The following CCDC171 variants were observed in gnomAD, a reference collection of about 807,000 sequenced individuals.
CCDC171 encodes the protein coiled-coil domain-containing protein 171.
CCDC171 carries 177 observed loss-of-function variants against 168.2 expected under a neutral mutation model. The observed-to-expected ratio is 1.05, with a 90% confidence interval of 0.93 to 1.19. The LOEUF is 1.19. Among genes scored for constraint, CCDC171 ranks in the 50% most tolerant of loss-of-function variants. CCDC171 has a pLI of 0.00. For synonymous variants in CCDC171, 687 were observed against 540.8 expected, an observed-to-expected ratio of 1.27 and a Z score of -3.75; for missense variants, 1,991 against 1,539.0, an observed-to-expected ratio of 1.29 and a Z score of -4.91.
chr9:15,628,777 C>T (rs1237388217), intron 7 of CCDC171, among the ~76,000 whole-genome samples: 1 of 152,132 alleles, frequency 6.6e-6, no homozygotes, highest in Non-Finnish European at 1.5e-5. Flanking sequence ...TGGGAGGCAC[C>T]CCCCAGTAGA....
intron 25 of CCDC171, among the ~76,000 whole-genome samples, chr9:15,971,005 T>G (rs1303678456): frequency 6.6e-6 from 1 of 151,968 alleles, no homozygotes; most frequent in East Asian, 1.9e-4. Context: ...GAACCTAAAA[T>G]AATAAAGTTG....
At chr9:15,888,707 C>T (rs565062006) in intron 24 of CCDC171, among the ~76,000 whole-genome samples, 73 of 152,086 alleles carry the variant, frequency 4.8e-4, no homozygotes, top group African/African-American at 1.6e-3. Flanking sequence ...GCAACAACTC[C>T]GAATGATATA....
Position 15,881,291 on chromosome 9 carries a change from G to C in CCDC171, c.3600+6628G>C, listed in dbSNP as rs547850340. 2.0e-5 allele frequency among the ~76,000 whole-genome samples: 3 copies of C among 152,164 alleles called. No homozygotes were observed. The East Asian group carries it at 5.8e-4, about 29-fold the overall frequency. On this transcript the variant is annotated intron_variant, in intron 24 of 25. Coordinates refer to ENST00000380701, the MANE Select transcript of CCDC171 (RefSeq NM_173550.4). ...GTATTACAAGAAATGAAATACTAAG[G>C]TGCGTAGAAGAACTTATTATTTTTC...
At chr9:15,627,274 G>T (rs1008011624) in intron 7 of CCDC171, among the ~76,000 whole-genome samples, 1 of 151,754 alleles carries the variant, frequency 6.6e-6, no homozygotes, top group Non-Finnish European at 1.5e-5. Flanking sequence ...CCAACTCCTG[G>T]ATTCATTGAT....
chr9:15,932,042 G>A (rs1282503435), intron 25 of CCDC171, among the ~76,000 whole-genome samples: 1 of 151,832 alleles, frequency 6.6e-6, no homozygotes, highest in African/African-American at 2.4e-5. Flanking sequence ...TATGATGCCT[G>A]TGGCTTTGTT....
intron 3 of CCDC171, among the ~76,000 whole-genome samples, chr9:15,983,209 G>A (rs1435845645): frequency 6.6e-6 from 1 of 151,526 alleles, no homozygotes; most frequent in East Asian, 1.9e-4. Context: ...ATTTTTTAAG[G>A]TTATACCCTC....
At chr9:15,829,702 T>C (rs1457194309) in intron 21 of CCDC171, among the ~76,000 whole-genome samples, 1 of 152,148 alleles carries the variant, frequency 6.6e-6, no homozygotes, top group African/African-American at 2.4e-5. Flanking sequence ...GGAGGATTGC[T>C]TGAGCCCAGG....
chr9:15,838,267 T>G (rs1278271783), intron 21 of CCDC171, among the ~76,000 whole-genome samples: 1 of 152,234 alleles, frequency 6.6e-6, no homozygotes. Flanking sequence ...GAAAATCATT[T>G]TTAACATAGT....
chr9:15,765,547 G>T (rs1413312795), intron 18 of CCDC171, among the ~76,000 whole-genome samples: 1 of 152,140 alleles, frequency 6.6e-6, no homozygotes, highest in Non-Finnish European at 1.5e-5. Context: ...GGTAGATTTG[G>T]TAGTAGATGT....
intron 21 of CCDC171, among the ~76,000 whole-genome samples, chr9:15,807,663 T>G (rs1210107947): frequency 6.6e-6 from 1 of 152,062 alleles, no homozygotes; most frequent in Non-Finnish European, 1.5e-5. Flanking sequence ...ATGGATTTTT[T>G]TTACTCTGCA....
At chr9:15,713,455 CT>C (rs1411358122) in intron 11 of CCDC171, among the ~76,000 whole-genome samples, 1 of 152,092 alleles carries the variant, frequency 6.6e-6, no homozygotes, top group East Asian at 1.9e-4. Context: ...TTATTTGTGC[CT>C]TCGGGACTTT....
At chr9:15,626,776 T>C (rs1236657842) in intron 7 of CCDC171, among the ~76,000 whole-genome samples, 4 of 152,166 alleles carry the variant, frequency 2.6e-5, no homozygotes, top group Non-Finnish European at 5.9e-5. Context: ...TAAAATTCTC[T>C]TTTTTTTAGT....
intron 23 of CCDC171, among the ~76,000 whole-genome samples, chr9:15,863,845 C>G (rs2061660109): frequency 6.6e-6 from 1 of 151,770 alleles, no homozygotes; most frequent in South Asian, 2.1e-4. Flanking sequence ...TCTGACAACT[C>G]TGGAAATAAG....
intron 6 of CCDC171, among the ~76,000 whole-genome samples, chr9:15,616,438 C>T (rs908866749): frequency 1.3e-5 from 2 of 151,892 alleles, no homozygotes; most frequent in East Asian, 3.9e-4. Flanking sequence ...ATTTATTTTA[C>T]TATTTTATTT....
intron 1 of CCDC171, among the ~76,000 whole-genome samples, chr9:16,053,495 T>G (rs559112206): frequency 6.6e-6 from 1 of 152,328 alleles, no homozygotes; most frequent in Non-Finnish European, 1.5e-5. Context: ...GCGCCTCAGT[T>G]TCCTGTCCTT....
At chr9:15,993,531 T>C (rs1324162238) in intron 3 of CCDC171, among the ~76,000 whole-genome samples, 1 of 152,186 alleles carries the variant, frequency 6.6e-6, no homozygotes, top group Non-Finnish European at 1.5e-5. Flanking sequence ...GACATAGGCA[T>C]GGGCAAGGAC....
At chr9:15,599,506 G>C (rs898270375) in intron 6 of CCDC171, among the ~76,000 whole-genome samples, 1 of 152,134 alleles carries the variant, frequency 6.6e-6, no homozygotes, top group African/African-American at 2.4e-5. Flanking sequence ...TAGATTTTCT[G>C]CCGAGAGATC....
intron 6 of CCDC171, among the ~76,000 whole-genome samples, chr9:15,610,444 T>TAAAAA (rs754593075): frequency 0.026 from 327 of 12,724 alleles, 110 homozygotes; most frequent in Non-Finnish European, 0.034. Context: ...CCATCTCAAC[T>TAAAAA]AAAAAAAAAA....
At chr9:15,565,439 C>G (rs2039654809) in intron 2 of CCDC171, among the ~76,000 whole-genome samples, 1 of 152,162 alleles carries the variant, frequency 6.6e-6, no homozygotes, top group Admixed American at 6.5e-5. Context: ...CTGCATCAGC[C>G]TCCCAAGTAG....
Sources: gnomAD v4.1 joint callset for allele counts (sites outside exome capture counted in the v4.1 genomes callset) on GRCh38, gnomAD v4.1.1 for gene constraint, MANE v1.5 for transcripts, NCBI Gene and HGNC (gene_info 2026-07-23, HGNC 2026-07-21) for gene names.